Variants in SCG3 observed in about 807,000 individuals in gnomAD.
SCG3 encodes the protein secretogranin III, also known as secretogranin-3.
SCG3 carries 38 observed loss-of-function variants against 56.2 expected under a neutral mutation model. The ratio of observed to expected loss-of-function variants is 0.68; its 90% CI spans 0.52 to 0.89. The LOEUF is 0.89. SCG3 is among the 40% of genes least tolerant of loss of function. The pLI is 0.00. For missense variants in SCG3, 524 were observed against 540.7 expected (o/e 0.97, Z 0.31); for synonymous variants, 176 against 184.2 (o/e 0.96, Z 0.36).
At chr15:51,709,266 G>T (rs1324471057) in intron 10 of SCG3, among the ~76,000 whole-genome samples, 1 of 152,026 alleles carries the variant, frequency 6.6e-6, no homozygotes, top group Non-Finnish European at 1.5e-5. Flanking sequence ...GCAGCATGGG[G>T]GTAACCGCCC....
At chr15:51,693,792 G>A (rs2055284240) in intron 7 of SCG3, 1 of 152,222 alleles carries the variant, frequency 6.6e-6, no homozygotes, top group Non-Finnish European at 1.5e-5. Context: ...TGGCTCTGCA[G>A]GGCTTGTACA....
At chr15:51,704,882 A>G (rs944964485) in intron 10 of SCG3, among the ~76,000 whole-genome samples, 5 of 145,912 alleles carry the variant, frequency 3.4e-5, no homozygotes, top group Non-Finnish European at 6.0e-5. Context: ...TCTATTTTTA[A>G]TTTTTTGAGG....
intron 7 of SCG3, among the ~76,000 whole-genome samples, chr15:51,693,020 C>G (rs940326811): frequency 6.6e-6 from 1 of 151,970 alleles, no homozygotes; most frequent in Non-Finnish European, 1.5e-5. Flanking sequence ...AATTTCATAC[C>G]CTTTGACCAA....
chr15:51,685,168 A>G (rs1484601212), intron 4 of SCG3, among the ~76,000 whole-genome samples: 1 of 152,226 alleles, frequency 6.6e-6, no homozygotes, highest in African/African-American at 2.4e-5. Flanking sequence ...GACATATATC[A>G]TATGCCATGC....
At chr15:51,711,618 T>C (rs1053154645) in intron 10 of SCG3, among the ~76,000 whole-genome samples, 2 of 152,216 alleles carry the variant, frequency 1.3e-5, no homozygotes, top group African/African-American at 4.8e-5. Context: ...TAATTTGAAA[T>C]AGAAAACACT....
chr15:51,704,174 A>G (rs2055355557), intron 10 of SCG3, among the ~76,000 whole-genome samples: 1 of 148,882 alleles, frequency 6.7e-6, no homozygotes, highest in African/African-American at 2.5e-5. Context: ...ATTCAACCCT[A>G]GGTCACTCTG....
intron 6 of SCG3, among the ~76,000 whole-genome samples, 174 bp downstream of exon 6, chr15:51,689,542 T>C (rs2055253488): frequency 6.6e-6 from 1 of 152,002 alleles, no homozygotes; most frequent in Non-Finnish European, 1.5e-5. Flanking sequence ...AAACCTGTAA[T>C]CCCAGCACTT....
chr15:51,694,904 G>A (rs1333976823), intron 7 of SCG3, among the ~76,000 whole-genome samples: 5 of 151,934 alleles, frequency 3.3e-5, no homozygotes, highest in African/African-American at 7.3e-5. Flanking sequence ...GGTGGCGCAC[G>A]CCTATAATCC....
chr15:51,686,340 A>G (rs1322114627), intron 4 of SCG3, among the ~76,000 whole-genome samples: 1 of 152,242 alleles, frequency 6.6e-6, no homozygotes, highest in East Asian at 1.9e-4. Context: ...TCCTGGCTCA[A>G]GAGAGTACAG....
At chr15:51,708,691 TA>T (rs1385160745) in intron 10 of SCG3, among the ~76,000 whole-genome samples, 16 of 151,836 alleles carry the variant, frequency 1.1e-4, no homozygotes, top group Admixed American at 9.2e-4. Context: ...CCGTCGCTAC[TA>T]AAAAATACAA....
chr15:51,704,809 G>A (rs912050965), intron 10 of SCG3, among the ~76,000 whole-genome samples: 1 of 64,280 alleles, frequency 1.6e-5, no homozygotes, highest in African/African-American at 4.6e-5. Context: ...CTCTCTTTGA[G>A]CTCCTTCTTT....
intron 4 of SCG3, among the ~76,000 whole-genome samples, chr15:51,685,891 G>A (rs1482103816): frequency 1.3e-5 from 2 of 152,236 alleles, no homozygotes; most frequent in Non-Finnish European, 2.9e-5. Context: ...CAATTGCTAT[G>A]TATTGGACTA....
At position 51,683,199 on chromosome 15, in the gene SCG3, GT is replaced by G. The variant is rs1567215016; in HGVS notation, c.182-17del. On this transcript the variant is annotated intron_variant, in intron 3 of 11. Coordinates refer to ENST00000220478, the MANE Select transcript of SCG3 (RefSeq NM_013243.4). ...ATCTGAACTAAAATGGCTGTGTTGGGTTTGGGGCTATTCTTCCAGAAAACAA... is the reference window on the plus strand; with the variant it reads ...ATCTGAACTAAAATGGCTGTGTTGGGTTGGGGCTATTCTTCCAGAAAACAA... 2.5e-6 allele frequency: 4 copies of G among 1,609,902 alleles called. No individual in the cohort carries two copies. In the Admixed American group the frequency reaches 6.7e-5, roughly 27 times the overall value.
At chr15:51,709,549 G>GA (rs981890683) in intron 10 of SCG3, among the ~76,000 whole-genome samples, 1 of 148,834 alleles carries the variant, frequency 6.7e-6, no homozygotes, top group African/African-American at 2.5e-5. Context: ...AATTGTTTCT[G>GA]AAAAAATAGT....
At chr15:51,717,018 G>A (rs1168499289) in intron 11 of SCG3, among the ~76,000 whole-genome samples, 1 of 152,060 alleles carries the variant, frequency 6.6e-6, no homozygotes, top group Non-Finnish European at 1.5e-5. Flanking sequence ...TTGAGGCCAG[G>A]AGTTTGAGAC....
chr15:51,714,704 C>G (rs1434768996), intron 11 of SCG3, among the ~76,000 whole-genome samples: 1 of 152,176 alleles, frequency 6.6e-6, no homozygotes, highest in Non-Finnish European at 1.5e-5. Context: ...AGCGTGCAGC[C>G]AAGTTTGCAA....
intron 10 of SCG3, among the ~76,000 whole-genome samples, chr15:51,706,684 A>C (rs2055378377): frequency 6.6e-6 from 1 of 151,978 alleles, no homozygotes; most frequent in Non-Finnish European, 1.5e-5. Flanking sequence ...ATAAGTAATA[A>C]TAATAATAGT....
In SCG3 at chr15:51,699,342, C is replaced by T. The variant is rs761064387; in HGVS notation, c.1009C>T (p.Leu337Phe). ...AGAAAACTTGGATGAAATGATTGCTCTTCAGACCAAAAACAAGCTAGAAAA... is the reference window on the plus strand; with the variant it reads ...AGAAAACTTGGATGAAATGATTGCTTTTCAGACCAAAAACAAGCTAGAAAA... ...YLENLDEMIA[L>F]QTKNKLEKNA... The change falls in exon 9 of 12, where the codon CTT becomes TTT. Residue 337 changes from leucine to phenylalanine, a missense_variant. Physicochemically the swap from Leu to Phe is conservative, Grantham distance 22. Coordinates refer to ENST00000220478, the MANE Select transcript of SCG3 (RefSeq NM_013243.4). 2 of 1,608,662 alleles carry T rather than the reference C, an allele frequency of 1.2e-6. No individual in the cohort carries two copies. Among genetic ancestry groups the T allele is most frequent in the South Asian group, 2.2e-5 (2 of 89,106 alleles).
chr15:51,692,977 A>T (rs2055277661), intron 7 of SCG3, among the ~76,000 whole-genome samples: 1 of 152,094 alleles, frequency 6.6e-6, no homozygotes, highest in Non-Finnish European at 1.5e-5. Context: ...CATGCTGTAC[A>T]TTCTCCAGAA....
Sources: gnomAD v4.1 joint callset for allele counts (sites outside exome capture counted in the v4.1 genomes callset) on GRCh38, gnomAD v4.1.1 for gene constraint, MANE v1.5 for transcripts, NCBI Gene and HGNC (gene_info 2026-07-23, HGNC 2026-07-21) for gene names.